TTC7A: variants seen among roughly 807,000 people sequenced by gnomAD.
TTC7A encodes the protein tetratricopeptide repeat domain 7A.
A neutral mutation model predicts 103.7 loss-of-function variants in TTC7A; 110 were observed. The observed-to-expected ratio is 1.06, with a 90% CI of 0.91 to 1.24. The LOEUF (loss-of-function observed/expected upper bound fraction) is 1.24. Ranked by LOEUF, TTC7A falls within the 50% of genes most tolerant of loss-of-function variation. The probability of loss-of-function intolerance (pLI) is 0.00; values close to 1 mark genes in which losing one functional copy is unlikely to be tolerated. For missense variants in TTC7A, 1,340 were observed against 1,116.3 expected, an observed-to-expected ratio of 1.20 and a Z score of -2.86; for synonymous variants, 521 against 467.9, an observed-to-expected ratio of 1.11 and a Z score of -1.47.
At chr2:46,950,565 C>A in intron 2 of TTC7A, 39 bp downstream of exon 2, 2 of 1,606,694 alleles carry the variant, frequency 1.2e-6, no homozygotes, top group Non-Finnish European at 8.5e-7. Context: ...CTCCTCTCCT[C>A]GTCTGTCTTG....
At chr2:47,049,351 C>T (rs927072872) in intron 16 of TTC7A, among the ~76,000 whole-genome samples, 1 of 151,014 alleles carries the variant, frequency 6.6e-6, no homozygotes, top group African/African-American at 2.4e-5. Context: ...GGAACCCCTC[C>T]CCCCCGCCAG....
intron 8 of TTC7A, among the ~76,000 whole-genome samples, chr2:47,003,851 G>A (rs1041153639): frequency 3.5e-4 from 53 of 152,244 alleles, no homozygotes; most frequent in African/African-American, 1.2e-3. Context: ...CCCACCCTGG[G>A]TGGCCAGAGC....
At chr2:46,953,061 T>C (rs1200318680) in intron 2 of TTC7A, among the ~76,000 whole-genome samples, 3 of 152,216 alleles carry the variant, frequency 2.0e-5, no homozygotes, top group Non-Finnish European at 4.4e-5. Flanking sequence ...AACAAAGACA[T>C]ATATAGGCAC....
At chr2:47,071,739 T>TACAC (rs376271671) in intron 19 of TTC7A, among the ~76,000 whole-genome samples, 1 of 151,816 alleles carries the variant, frequency 6.6e-6, no homozygotes, top group Admixed American at 6.6e-5. Flanking sequence ...AAACTGAGAA[T>TACAC]ACACACACAC....
At chr2:46,939,045 G>A (rs576819424), upstream of TTC7A, among the ~76,000 whole-genome samples, 1 of 151,048 alleles carries the variant, frequency 6.6e-6, no homozygotes, top group Non-Finnish European at 1.5e-5. Context: ...GCGGGCCAGG[G>A]TGGGAGGACC....
chr2:47,074,153 GGA>G lies in TTC7A; in HGVS notation c.*234_*235del, dbSNP rs1231939579. 6 of 571,554 alleles carry G rather than the reference GGA, an allele frequency of 1.0e-5. No homozygotes were observed. Among genetic ancestry groups the G allele is most frequent in the Admixed American group, 6.2e-5 (2 of 32,220 alleles). 35.4% of individuals were successfully genotyped at this position (571,554 alleles called of 1,614,324 possible). ...TCTGACTTGAACCCTAAGTGCCTTT[GGA>G]GAGTTTTGTGGTGACCAGACTTGCT... On this transcript the variant is annotated 3_prime_UTR_variant, in exon 20 of 20. Transcript: ENST00000319190.
chr2:46,994,305 T>C (rs1675924581), intron 6 of TTC7A, 52 bp from the exon 7 acceptor site: 1 of 1,572,308 alleles, frequency 6.4e-7, no homozygotes, highest in South Asian at 1.2e-5. Context: ...TAGGTCATGC[T>C]GGGGTAGAGC....
rs1311842206 is a variant in TTC7A, at chr2:46,967,878, C to A, written c.518-7095C>A. Among the ~76,000 whole-genome samples, 3 of 151,938 alleles carry A rather than the reference C, an allele frequency of 2.0e-5. No individual in the cohort carries two copies. The East Asian group carries it at 5.8e-4, about 29-fold the overall frequency. ...TCTTTCCTACCTGGCCTTTCGGTTTCCCCCCGAGAGCTGAATGAATTGCAT... is the reference window on the plus strand; with the variant it reads ...TCTTTCCTACCTGGCCTTTCGGTTTACCCCCGAGAGCTGAATGAATTGCAT... On this transcript the variant is annotated intron_variant, in intron 3 of 19. Coordinates refer to ENST00000319190, the MANE Select transcript of TTC7A (RefSeq NM_020458.4).
At chr2:46,996,899 A>C (rs567808248) in intron 8 of TTC7A, among the ~76,000 whole-genome samples, 1 of 152,108 alleles carries the variant, frequency 6.6e-6, no homozygotes, top group African/African-American at 2.4e-5. Context: ...CCATTTCACC[A>C]CGTTCACCCT....
At chr2:47,069,428 C>A (rs1268550422) in intron 19 of TTC7A, among the ~76,000 whole-genome samples, 1 of 152,212 alleles carries the variant, frequency 6.6e-6, no homozygotes, top group African/African-American at 2.4e-5. Context: ...AGGAGACCCC[C>A]ACCTAGGTTG....
chr2:47,011,203 C>T (rs1316649587), intron 10 of TTC7A, 128 bp from the exon 11 acceptor site: 2 of 790,542 alleles, frequency 2.5e-6, no homozygotes, highest in East Asian at 2.8e-5. Context: ...CTGCCCTGGA[C>T]CTCTTCCTGG....
chr2:46,918,545 A>G (rs954858691), intron 2 of TTC7A, among the ~76,000 whole-genome samples: 2 of 152,234 alleles, frequency 1.3e-5, no homozygotes, highest in Non-Finnish European at 2.9e-5. Context: ...TAACAGGCAA[A>G]TAATTTGGTA....
At chr2:47,055,943 C>G (rs1027359742) in intron 18 of TTC7A, among the ~76,000 whole-genome samples, 7 of 152,150 alleles carry the variant, frequency 4.6e-5, no homozygotes, top group Non-Finnish European at 1.0e-4. Flanking sequence ...CCTTCCTGCC[C>G]CCCTCCTGTC....
intron 2 of TTC7A, among the ~76,000 whole-genome samples, chr2:46,918,965 G>T (rs1446347052): frequency 6.6e-6 from 1 of 152,190 alleles, no homozygotes; most frequent in African/African-American, 2.4e-5. Flanking sequence ...TACTCAGGTT[G>T]AAACTAGTAC....
chr2:47,059,987 TC>T (rs902744625), intron 18 of TTC7A, among the ~76,000 whole-genome samples: 1 of 151,780 alleles, frequency 6.6e-6, no homozygotes, highest in African/African-American at 2.4e-5. Context: ...CGAAACCCCA[TC>T]TCTACAAAAA....
In TTC7A at chr2:47,021,876, G is replaced by GC; in HGVS notation, c.1408dup (p.His470ProfsTer29). On this transcript the variant is annotated frameshift_variant, in exon 12 of 20. Transcript: ENST00000319190. LOFTEE classifies it high-confidence loss of function. Reference sequence around the variant, plus strand: ...CCTCTTTGCAGCTAGAGGAAGCAGAGCACTTTGCCATGATGGTGATCAGCC... The same window carrying GC: ...CCTCTTTGCAGCTAGAGGAAGCAGAGCCACTTTGCCATGATGGTGATCAGCC... 1 of 1,614,134 alleles carries GC rather than the reference G, an allele frequency of 6.2e-7. No homozygotes were observed. The highest frequency in any genetic ancestry group is 8.5e-7 in the Non-Finnish European group (1 of 1,179,968).
At chr2:47,002,749 T>A (rs1276517119) in intron 8 of TTC7A, among the ~76,000 whole-genome samples, 1 of 152,030 alleles carries the variant, frequency 6.6e-6, no homozygotes, top group Non-Finnish European at 1.5e-5. Flanking sequence ...CATTTCCCCC[T>A]ACCCCTCCCT....
At position 47,011,373 on chromosome 2, in the gene TTC7A, C is replaced by T. The variant is rs763226871; in HGVS notation, c.1330C>T (p.Arg444Trp). The change falls in exon 11 of 20, where the codon CGG becomes TGG. Residue 444 changes from arginine (R) to tryptophan (W), a missense_variant. Transcript: ENST00000319190. ...VSLLRECVKL[R>W]PSDPTVPLMA... The stretch of plus-strand genomic sequence containing the variant: ...CCTGCTGCGGGAGTGTGTGAAGTTG[C>T]GGCCCTCGGACCCCACCGTGCCCCT... 8 of 1,612,660 alleles carry T rather than the reference C, an allele frequency of 5.0e-6. No homozygotes were observed. The highest frequency in any genetic ancestry group is 5.9e-6 in the Non-Finnish European group (7 of 1,179,912).
intron 12 of TTC7A, among the ~76,000 whole-genome samples, chr2:47,022,847 G>A (rs147965861): frequency 1.3e-5 from 2 of 152,294 alleles, no homozygotes; most frequent in East Asian, 1.9e-4. Context: ...CTAAGCTTTC[G>A]AATCCGGGGA....
Sources: gnomAD v4.1 joint callset for allele counts (sites outside exome capture counted in the v4.1 genomes callset) on GRCh38, gnomAD v4.1.1 for gene constraint, MANE v1.5 for transcripts, NCBI Gene and HGNC (gene_info 2026-07-23, HGNC 2026-07-21) for gene names.